VPS4B: variants seen among roughly 807,000 people sequenced by gnomAD.
VPS4B encodes the protein vacuolar protein sorting 4 homolog B, also known as vacuolar protein sorting-associated protein 4B.
In VPS4B, 23 loss-of-function variants were observed where a neutral mutation model predicts 56.1. That is an observed-to-expected ratio of 0.41 (90% CI 0.30 to 0.58). The LOEUF is 0.58. Among genes scored for constraint, VPS4B ranks in the 20% least tolerant of loss-of-function variants. The pLI is 0.29. For missense variants in VPS4B, 372 were observed against 531.9 expected (o/e 0.70, Z 2.96); for synonymous variants, 177 against 186.0 (o/e 0.95, Z 0.39).
chr18:63,389,416 G>A lies in VPS4B; in HGVS notation c.*1559C>T, dbSNP rs779689846. On this transcript the variant is annotated 3_prime_UTR_variant, in exon 11 of 11. Coordinates refer to ENST00000238497, the MANE Select transcript of VPS4B (RefSeq NM_004869.4). ...GGCAACCACATAGCATATGTAAAAT[G>A]TGCAAATACACTTTAAAATGCAAGT... The A allele has an allele frequency of 7.5e-4, 115 of 152,692 alleles. 2 individuals are homozygous for A. The highest frequency in any genetic ancestry group is 5.7e-4 in the Non-Finnish European group (39 of 68,024). 9.5% of individuals were successfully genotyped at this position (152,692 alleles called of 1,614,324 possible).
At chr18:63,415,743 G>T in intron 1 of VPS4B, 1 of 235,042 alleles carries the variant, frequency 4.3e-6, no homozygotes, top group Non-Finnish European at 9.2e-6. Context: ...GATGACAGAT[G>T]GCAGGTCCTC....
intron 9 of VPS4B, 52 bp from the exon 10 acceptor site, chr18:63,393,601 A>C (rs962263901): frequency 1.4e-6 from 2 of 1,451,726 alleles, no homozygotes; most frequent in Non-Finnish European, 1.8e-6. Context: ...TTGAACATTA[A>C]GACTTAATCC....
intron 1 of VPS4B, among the ~76,000 whole-genome samples, chr18:63,414,589 C>T (rs1204208167): frequency 1.3e-5 from 2 of 152,018 alleles, no homozygotes. Context: ...CACCCACCAC[C>T]ATGCCTGGCT....
At chr18:63,412,298 A>G (rs1156503623) in intron 1 of VPS4B, among the ~76,000 whole-genome samples, 1 of 152,216 alleles carries the variant, frequency 6.6e-6, no homozygotes, top group Non-Finnish European at 1.5e-5. Context: ...TGTAGCAGGA[A>G]TTTATTTGAA....
At chr18:63,411,704 C>T (rs1281595396) in intron 1 of VPS4B, 126 bp from the exon 2 acceptor site, 2 of 517,510 alleles carry the variant, frequency 3.9e-6, no homozygotes, top group Admixed American at 4.0e-5. Flanking sequence ...TGAAAGAAAA[C>T]AAAAATAAGT....
chr18:63,422,237 A>C lies in VPS4B; in HGVS notation c.23T>G (p.Leu8Arg). The C allele has an allele frequency of 6.6e-7, 1 of 1,510,952 alleles. No homozygotes were observed. Among genetic ancestry groups the C allele is most frequent in the South Asian group, 1.3e-5 (1 of 79,500 alleles). The allele number at this position is 1,510,952 out of a possible 1,614,324, so 93.6% of individuals were successfully genotyped here. MSSTSPN[L>R]QKAIDLASKA... ...ACGGGAGATGAGCAATGATACCTGG[A>C]GGTTGGGCGAAGTGGATGACATGGC... The change falls in exon 1 of 11, where the codon CTC becomes CGC. Residue 8 changes from leucine to arginine, a missense_variant. By Grantham distance (102) the Leu-to-Arg change is moderately radical. Around this residue, in one of 3 missense-constraint regions of VPS4B, gnomAD observed 153 missense variants for 190.3 expected, o/e 0.80. Coordinates refer to ENST00000238497, the MANE Select transcript of VPS4B (RefSeq NM_004869.4).
intron 1 of VPS4B, among the ~76,000 whole-genome samples, chr18:63,412,837 G>GA (rs1314569778): frequency 6.6e-6 from 1 of 151,814 alleles, no homozygotes; most frequent in East Asian, 1.9e-4. Context: ...AAAACTTTTA[G>GA]AAAAAACATG....
intron 3 of VPS4B, among the ~76,000 whole-genome samples, chr18:63,408,528 A>T (rs1220261257): frequency 6.6e-6 from 1 of 152,216 alleles, no homozygotes; most frequent in African/African-American, 2.4e-5. Flanking sequence ...CATGAGACCT[A>T]AATTCTTCCA....
Position 63,421,902 on chromosome 18 carries a change from T to C in VPS4B, c.27+331A>G, listed in dbSNP as rs192385407. Among the ~76,000 whole-genome samples, 17 of 152,320 alleles carry C rather than the reference T, an allele frequency of 1.1e-4. No individual in the cohort carries two copies. In the East Asian group the frequency reaches 3.1e-3, roughly 28 times the overall value. On this transcript the variant is annotated intron_variant, in intron 1 of 10. Transcript: ENST00000238497. ...CACCCTATCTTCAACTGGTCCAGAATAGGGCTTTGCAAAAATTACGTTCTT... is the reference window on the plus strand; with the variant it reads ...CACCCTATCTTCAACTGGTCCAGAACAGGGCTTTGCAAAAATTACGTTCTT...
At position 63,393,489 on chromosome 18, in the gene VPS4B, A is replaced by G. The variant is rs140107443; in HGVS notation, c.1153T>C (p.Ser385Pro). 602 of 1,612,996 alleles carry G rather than the reference A, an allele frequency of 3.7e-4. 2 individuals are homozygous for G. The Middle Eastern group carries it at 4.8e-3, about 13-fold the overall frequency. ...TCAATGGCACCAGGGTCACCTGGAG[A>G]GCAAGGTGTTAGCAGATCATCTACA... Reference protein sequence around the residue: ...HLVDDLLTPCSPGDPGAIEMT... With the variant: ...HLVDDLLTPCPPGDPGAIEMT... The change falls in exon 10 of 11, where the codon TCT (serine) becomes CCT (proline). Residue 385 changes from serine to proline, a missense_variant. Ser to Pro is a moderately conservative substitution (Grantham distance 74). Around this residue, in one of 3 missense-constraint regions of VPS4B, gnomAD observed 153 missense variants for 190.9 expected, o/e 0.80. Coordinates refer to ENST00000238497, the MANE Select transcript of VPS4B (RefSeq NM_004869.4).
At chr18:63,404,116 T>C (rs1363647890) in intron 4 of VPS4B, among the ~76,000 whole-genome samples, 2 of 152,092 alleles carry the variant, frequency 1.3e-5, no homozygotes, top group Non-Finnish European at 2.9e-5. Flanking sequence ...CTTAGATAGG[T>C]TGGTGCGAAA....
intron 8 of VPS4B, 101 bp from the exon 9 acceptor site, chr18:63,397,354 T>C: frequency 9.7e-7 from 1 of 1,030,604 alleles, no homozygotes; most frequent in East Asian, 2.6e-5. Flanking sequence ...GTGCCAAGGT[T>C]AAACATATAT....
At chr18:63,401,940 A>C (rs374953730) in intron 5 of VPS4B, among the ~76,000 whole-genome samples, 4 of 152,218 alleles carry the variant, frequency 2.6e-5, no homozygotes, top group South Asian at 2.1e-4. Flanking sequence ...TTGCAGTGAA[A>C]CGAGACCACG....
At position 63,422,359 on chromosome 18, in the gene VPS4B, G is replaced by C; in HGVS notation, c.-100C>G. On this transcript the variant is annotated 5_prime_UTR_variant, in exon 1 of 11. Transcript: ENST00000238497. Reference sequence around the variant, plus strand: ...GGGGTAACAGCCCTCAAACTGGGGAGGCCGGTGGTTCTCGGACCGCGAAGG... The same window carrying C: ...GGGGTAACAGCCCTCAAACTGGGGACGCCGGTGGTTCTCGGACCGCGAAGG... 5 of 1,217,844 alleles carry C rather than the reference G, an allele frequency of 4.1e-6. No individual in the cohort carries two copies. Among genetic ancestry groups the C allele is most frequent in the Non-Finnish European group, 5.4e-6 (5 of 922,684 alleles). 75.4% of individuals were successfully genotyped at this position (1,217,844 alleles called of 1,614,324 possible). A position where few individuals can be genotyped will look rare whatever the true frequency, so the allele number is the denominator to read the frequency against.
chr18:63,390,877 T>TA lies in VPS4B; in HGVS notation c.*97dup, dbSNP rs1216958629. On this transcript the variant is annotated 3_prime_UTR_variant, in exon 11 of 11. Transcript: ENST00000238497. ...AAGTGAGATGTGTATTTCCCTGTGGTAAAAGAGTTTTACTGGAAACAATTA... is the reference window on the plus strand; with the variant it reads ...AAGTGAGATGTGTATTTCCCTGTGGTAAAAAGAGTTTTACTGGAAACAATTA... The TA allele has an allele frequency of 1.3e-5, 10 of 792,976 alleles. No individual in the cohort carries two copies. In the East Asian group the frequency reaches 1.9e-4, roughly 15 times the overall value. The allele number at this position is 792,976 out of a possible 1,614,324, so 49.1% of individuals were successfully genotyped here. A position where few individuals can be genotyped will look rare whatever the true frequency, so the allele number is the denominator to read the frequency against.
At chr18:63,396,176 T>A (rs559913490) in intron 9 of VPS4B, among the ~76,000 whole-genome samples, 1 of 148,072 alleles carries the variant, frequency 6.8e-6, no homozygotes, top group African/African-American at 2.4e-5. Context: ...TAAGTTTCTA[T>A]ACTTATATCA....
At position 63,422,330 on chromosome 18, in the gene VPS4B, G is replaced by A. The variant is rs1458991558; in HGVS notation, c.-71C>T. 2.9e-6 allele frequency: 4 copies of A among 1,401,176 alleles called. No homozygotes were observed. Among genetic ancestry groups the A allele is most frequent in the Admixed American group, 3.1e-5 (1 of 32,706 alleles). The allele number at this position is 1,401,176 out of a possible 1,614,324, so 86.8% of individuals were successfully genotyped here. A position where few individuals can be genotyped will look rare whatever the true frequency, so the allele number is the denominator to read the frequency against. Reference sequence around the variant, plus strand: ...GCCAACAGCAGCAACGTCGAAGCGCGCACGGGGTAACAGCCCTCAAACTGG... The same window carrying A: ...GCCAACAGCAGCAACGTCGAAGCGCACACGGGGTAACAGCCCTCAAACTGG... On this transcript the variant is annotated 5_prime_UTR_variant, in exon 1 of 11. Coordinates refer to ENST00000238497, the MANE Select transcript of VPS4B (RefSeq NM_004869.4).
chr18:63,422,268 TC>T lies in VPS4B; in HGVS notation c.-10del. ...GGCGAAGTGGATGACATGGCGGAGT[TC>T]CCAGGCGGTTCCCAAGGGAACGAGG... On this transcript the variant is annotated 5_prime_UTR_variant, in exon 1 of 11. Transcript: ENST00000238497. 1 of 1,505,214 alleles carries T rather than the reference TC, an allele frequency of 6.6e-7. No homozygotes were observed. The highest frequency in any genetic ancestry group is 8.9e-7 in the Non-Finnish European group (1 of 1,125,054). The allele number at this position is 1,505,214 out of a possible 1,614,324, so 93.2% of individuals were successfully genotyped here.
intron 1 of VPS4B, among the ~76,000 whole-genome samples, chr18:63,418,145 A>C (rs1026881993): frequency 9.2e-5 from 14 of 152,092 alleles, no homozygotes; most frequent in African/African-American, 3.4e-4. Context: ...TGCAGAACAC[A>C]AACTACACAC....
Sources: allele counts gnomAD v4.1 joint callset (sites outside exome capture counted in the v4.1 genomes callset), GRCh38; gene constraint gnomAD v4.1.1; regional missense constraint gnomAD v4.1.1; transcripts MANE v1.5; gene names NCBI Gene and HGNC (gene_info 2026-07-23, HGNC 2026-07-21).